KCNQ3: variants seen among roughly 807,000 people sequenced by gnomAD.
KCNQ3 encodes potassium voltage-gated channel subfamily KQT member 3.
KCNQ3 carries 30 observed loss-of-function variants against 92.5 expected under a neutral mutation model. The ratio of observed to expected loss-of-function variants is 0.32; its 90% CI spans 0.24 to 0.44. The LOEUF is 0.44. Ranked by LOEUF, KCNQ3 falls within the 20% of genes least tolerant of loss-of-function variation. KCNQ3 has a pLI of 1.00. For synonymous variants in KCNQ3, 450 were observed against 468.8 expected (o/e 0.96, Z 0.52); for missense variants, 913 against 1,140.3 (o/e 0.80, Z 2.87).
At chr8:132,468,846 CA>C (rs1381406572) in intron 1 of KCNQ3, among the ~76,000 whole-genome samples, 2 of 152,194 alleles carry the variant, frequency 1.3e-5, no homozygotes, top group African/African-American at 4.8e-5. Flanking sequence ...TGGGATACCC[CA>C]TGAGCCAGCT....
At chr8:132,287,267 G>T (rs1013762263) in intron 1 of KCNQ3, among the ~76,000 whole-genome samples, 2 of 152,178 alleles carry the variant, frequency 1.3e-5, no homozygotes, top group Non-Finnish European at 2.9e-5. Flanking sequence ...CCTTTAAGGG[G>T]CAGTGTAATT....
At chr8:132,152,297 G>A (rs952581803) in intron 9 of KCNQ3, among the ~76,000 whole-genome samples, 4 of 152,082 alleles carry the variant, frequency 2.6e-5, no homozygotes, top group African/African-American at 9.7e-5. Flanking sequence ...ACTTTTGCTT[G>A]GAATATTGCT....
At chr8:132,468,906 T>C (rs763150676) in intron 1 of KCNQ3, among the ~76,000 whole-genome samples, 1 of 152,196 alleles carries the variant, frequency 6.6e-6, no homozygotes, top group Non-Finnish European at 1.5e-5. Flanking sequence ...CAGGAAGCAG[T>C]GTTGCTCTTG....
intron 1 of KCNQ3, among the ~76,000 whole-genome samples, chr8:132,412,560 T>C (rs920859949): frequency 3.3e-5 from 5 of 152,158 alleles, no homozygotes; most frequent in Non-Finnish European, 7.4e-5. Context: ...ACCTGAGCTG[T>C]CTGAAGGTAA....
intron 1 of KCNQ3, among the ~76,000 whole-genome samples, chr8:132,261,624 G>A (rs542543401): frequency 1.3e-4 from 20 of 152,344 alleles, no homozygotes; most frequent in African/African-American, 4.8e-4. Flanking sequence ...AAGCTGGCAG[G>A]AGCAGACGTG....
intron 1 of KCNQ3, among the ~76,000 whole-genome samples, chr8:132,354,811 G>T (rs1292270768): frequency 6.6e-6 from 1 of 152,176 alleles, no homozygotes; most frequent in Non-Finnish European, 1.5e-5. Flanking sequence ...TTCCTGTACT[G>T]CTGGGCTTGT....
intron 1 of KCNQ3, among the ~76,000 whole-genome samples, chr8:132,436,736 C>G (rs1032204413): frequency 2.0e-5 from 3 of 152,124 alleles, no homozygotes. Flanking sequence ...GTAAAATAGC[C>G]AAACTGAAAT....
intron 1 of KCNQ3, among the ~76,000 whole-genome samples, chr8:132,299,798 T>C (rs1817158144): frequency 1.1e-5 from 1 of 90,260 alleles, no homozygotes; most frequent in South Asian, 4.2e-4. Context: ...AGGGCGGTAT[T>C]TTCCTGCCCT....
At chr8:132,348,460 C>T (rs1175965215) in intron 1 of KCNQ3, among the ~76,000 whole-genome samples, 1 of 152,170 alleles carries the variant, frequency 6.6e-6, no homozygotes, top group African/African-American at 2.4e-5. Flanking sequence ...GGGCACTGTC[C>T]AACAGAACTT....
At chr8:132,150,757 C>A (rs750450307) in intron 9 of KCNQ3, among the ~76,000 whole-genome samples, 1 of 151,804 alleles carries the variant, frequency 6.6e-6, no homozygotes, top group Non-Finnish European at 1.5e-5. Flanking sequence ...GGTCAATAAT[C>A]CAAATAGGAG....
Position 132,270,274 on chromosome 8 carries a change from T to C in KCNQ3, c.387-84093A>G, listed in dbSNP as rs574060731. Reference sequence around the variant, plus strand: ...CTAGTGGTGGGGAAAAGGCTGTTTTTCTAAAAATACCAAATTAAGAATTCT... The same window carrying C: ...CTAGTGGTGGGGAAAAGGCTGTTTTCCTAAAAATACCAAATTAAGAATTCT... On this transcript the variant is annotated intron_variant, in intron 1 of 14. Coordinates refer to ENST00000388996, the MANE Select transcript of KCNQ3 (RefSeq NM_004519.4). 2.6e-5 allele frequency among the ~76,000 whole-genome samples: 4 copies of C among 152,354 alleles called. No individual in the cohort carries two copies. The South Asian group carries it at 6.2e-4, about 24-fold the overall frequency.
chr8:132,248,145 A>G (rs1276704643), intron 1 of KCNQ3, among the ~76,000 whole-genome samples: 2 of 152,160 alleles, frequency 1.3e-5, no homozygotes, highest in African/African-American at 4.8e-5. Flanking sequence ...TCAAAAATAT[A>G]TATCTGCATG....
intron 1 of KCNQ3, among the ~76,000 whole-genome samples, chr8:132,464,798 A>G (rs755211022): frequency 1.3e-5 from 2 of 152,200 alleles, no homozygotes; most frequent in Admixed American, 6.5e-5. Flanking sequence ...TTATGCAATT[A>G]TTTATTCACC....
At chr8:132,270,414 C>CT (rs1359394106) in intron 1 of KCNQ3, among the ~76,000 whole-genome samples, 4 of 152,148 alleles carry the variant, frequency 2.6e-5, no homozygotes, top group Non-Finnish European at 5.9e-5. Flanking sequence ...TAAGGCTGTC[C>CT]TTCTAAGAAC....
intron 12 of KCNQ3, among the ~76,000 whole-genome samples, chr8:132,136,044 G>A (rs58327084): frequency 0.012 from 1,827 of 149,290 alleles, 42 homozygotes; most frequent in African/African-American, 0.043. Flanking sequence ...ACTTGAACCC[G>A]GGAGGCAGAG....
At chr8:132,167,812 G>C (rs1290901990) in intron 8 of KCNQ3, among the ~76,000 whole-genome samples, 2 of 152,118 alleles carry the variant, frequency 1.3e-5, no homozygotes, top group African/African-American at 4.8e-5. Flanking sequence ...CAAAAGAATG[G>C]GCCCATTGCC....
intron 1 of KCNQ3, among the ~76,000 whole-genome samples, chr8:132,247,841 A>G (rs1351599826): frequency 1.3e-5 from 2 of 151,966 alleles, no homozygotes; most frequent in Middle Eastern, 3.2e-3. Context: ...GCCTGATCGG[A>G]ACAAAAAGGG....
chr8:132,402,119 T>C (rs1340533299), intron 1 of KCNQ3, among the ~76,000 whole-genome samples: 1 of 152,214 alleles, frequency 6.6e-6, no homozygotes, highest in Non-Finnish European at 1.5e-5. Flanking sequence ...TCTGGAGATA[T>C]CATGCTACCT....
At chr8:132,235,836 A>G (rs1449552588) in intron 1 of KCNQ3, among the ~76,000 whole-genome samples, 1 of 152,194 alleles carries the variant, frequency 6.6e-6, no homozygotes, top group African/African-American at 2.4e-5. Flanking sequence ...TCCCTGACCA[A>G]TTAGAATAAG....
Sources: gnomAD v4.1 joint callset for allele counts (sites outside exome capture counted in the v4.1 genomes callset) on GRCh38, gnomAD v4.1.1 for gene constraint, MANE v1.5 for transcripts, NCBI Gene and HGNC (gene_info 2026-07-23, HGNC 2026-07-21) for gene names.